UNC13B: variants seen among roughly 807,000 people sequenced by gnomAD.
UNC13B encodes protein unc-13 homolog B.
UNC13B carries 144 observed loss-of-function variants against 211.0 expected under a neutral mutation model. The observed-to-expected ratio is 0.68, with a 90% CI of 0.60 to 0.78. The LOEUF (loss-of-function observed/expected upper bound fraction) is 0.78, where lower values mean the gene tolerates loss of function less well. UNC13B is among the 30% of genes least tolerant of loss of function. The pLI is 0.00. For synonymous variants in UNC13B, 709 were observed against 725.8 expected (o/e 0.98, Z 0.37); for missense variants, 1,777 against 2,002.0 (o/e 0.89, Z 2.14).
intron 5 of UNC13B, among the ~76,000 whole-genome samples, chr9:35,239,219 G>C (rs180680222): frequency 6.6e-6 from 1 of 151,982 alleles, no homozygotes; most frequent in Non-Finnish European, 1.5e-5. Context: ...GATATTTCAC[G>C]TGGGTCCTTT....
intron 8 of UNC13B, among the ~76,000 whole-genome samples, chr9:35,297,545 G>GTTTTTTTTTTTTT (rs1344936605): frequency 9.3e-6 from 1 of 107,144 alleles, no homozygotes; most frequent in African/African-American, 4.0e-5. Context: ...CACATACTTT[G>GTTTTTTTTTTTTT]TCTTTTTTTT....
chr9:35,168,173 C>A (rs1452721884), intron 1 of UNC13B, among the ~76,000 whole-genome samples: 7 of 152,150 alleles, frequency 4.6e-5, no homozygotes, highest in Non-Finnish European at 8.8e-5. Context: ...CCACCTTGGC[C>A]TCCCAAAATG....
At chr9:35,394,797 A>G (rs1209691735) in intron 26 of UNC13B, among the ~76,000 whole-genome samples, 1 of 152,200 alleles carries the variant, frequency 6.6e-6, no homozygotes, top group Non-Finnish European at 1.5e-5. Flanking sequence ...TTACTGGAGC[A>G]TGACTCCATG....
At chr9:35,240,187 T>G (rs554925416) in intron 5 of UNC13B, among the ~76,000 whole-genome samples, 117 of 152,362 alleles carry the variant, frequency 7.7e-4, no homozygotes, top group Non-Finnish European at 7.5e-4. Flanking sequence ...TCACAATTTA[T>G]GTTCTTCTGC....
At chr9:35,289,770 A>G (rs555679598) in intron 7 of UNC13B, among the ~76,000 whole-genome samples, 29 of 152,084 alleles carry the variant, frequency 1.9e-4, no homozygotes, top group South Asian at 4.2e-4. Flanking sequence ...GGAGGTTAGG[A>G]GTTCGAGGCC....
chr9:35,200,160 G>T (rs1823195587), intron 1 of UNC13B, among the ~76,000 whole-genome samples: 1 of 152,050 alleles, frequency 6.6e-6, no homozygotes, highest in Non-Finnish European at 1.5e-5. Flanking sequence ...TAGATGTGTG[G>T]TATTATTTCT....
chr9:35,226,347 T>G (rs1824839377), intron 1 of UNC13B, among the ~76,000 whole-genome samples: 1 of 152,136 alleles, frequency 6.6e-6, no homozygotes, highest in African/African-American at 2.4e-5. Flanking sequence ...GGGACAGAAC[T>G]GATAGGGTGT....
At chr9:35,212,827 G>A (rs1824044025) in intron 1 of UNC13B, among the ~76,000 whole-genome samples, 1 of 152,208 alleles carries the variant, frequency 6.6e-6, no homozygotes, top group Admixed American at 6.5e-5. Context: ...GAGAGTTGGT[G>A]GAGGAGCAGT....
chr9:35,301,699 T>G lies in UNC13B; in HGVS notation c.2295T>G (p.Asp765Glu). The change falls in exon 9 of 40, where the codon GAT becomes GAG. Residue 765 changes from aspartate to glutamate, a missense_variant. Transcript: ENST00000635942. ...GTATAGATCTGTCTCTTTTACCAGA[T>G]CAACAAAAAATATGTGCCAAAGATA... ...KLCIDLSLLPDQQKICAKDTP... is the reference protein window; with the variant it reads ...KLCIDLSLLPEQQKICAKDTP... The G allele has an allele frequency of 2.5e-6, 1 of 398,806 alleles. No homozygotes were observed. Among genetic ancestry groups the G allele is most frequent in the Non-Finnish European group, 4.4e-6 (1 of 225,908 alleles). The allele number at this position is 398,806 out of a possible 1,614,324, so 24.7% of individuals were successfully genotyped here. A position where few individuals can be genotyped will look rare whatever the true frequency, so the allele number is the denominator to read the frequency against.
At chr9:35,364,538 C>T (rs757668423) in intron 11 of UNC13B, 18 of 1,535,938 alleles carry the variant, frequency 1.2e-5, no homozygotes, top group Non-Finnish European at 1.5e-5. Context: ...TCTTTCTCTC[C>T]TTGCAGAAGA....
intron 7 of UNC13B, 124 bp from the exon 8 acceptor site, chr9:35,295,572 A>G (rs1463319427): frequency 7.3e-6 from 6 of 821,614 alleles, no homozygotes; most frequent in African/African-American, 3.4e-5. Context: ...CACTGGGCTC[A>G]TGTGAAGCTC....
chr9:35,357,031 T>A (rs1232232958), intron 11 of UNC13B, among the ~76,000 whole-genome samples: 1 of 152,218 alleles, frequency 6.6e-6, no homozygotes, highest in Non-Finnish European at 1.5e-5. Context: ...TTATGAATAA[T>A]GCTGCTATGA....
intron 7 of UNC13B, among the ~76,000 whole-genome samples, chr9:35,280,821 A>G (rs913424777): frequency 3.9e-5 from 6 of 152,200 alleles, no homozygotes; most frequent in South Asian, 4.1e-4. Context: ...AACTTATTAT[A>G]ATTTATGTTC....
At position 35,228,064 on chromosome 9, in the gene UNC13B, A is replaced by G. The variant is rs769223111; in HGVS notation, c.52+20A>G. 1.2e-6 allele frequency: 2 copies of G among 1,606,396 alleles called. No homozygotes were observed. Among genetic ancestry groups the G allele is most frequent in the South Asian group, 2.2e-5 (2 of 89,072 alleles). On this transcript the variant is annotated intron_variant, in intron 2 of 39. Transcript: ENST00000635942. Reference sequence around the variant, plus strand: ...CACCAGGTAAGGCCAGCTTTCTATTATGTCTTTTCCTCTTGTATTTGCTGT... The same window carrying G: ...CACCAGGTAAGGCCAGCTTTCTATTGTGTCTTTTCCTCTTGTATTTGCTGT...
intron 37 of UNC13B, chr9:35,401,912 G>T (rs746736114): frequency 2.6e-5 from 40 of 1,536,118 alleles, no homozygotes; most frequent in Non-Finnish European, 3.3e-5. Context: ...TCTCTGTTCT[G>T]CTGCTGCTAC....
At chr9:35,384,855 A>C in intron 22 of UNC13B, 1 of 703,736 alleles carries the variant, frequency 1.4e-6, no homozygotes, top group Non-Finnish European at 1.7e-6. Context: ...GCAGTTTCTT[A>C]GTTCCTCCTA....
chr9:35,196,338 AG>A (rs1168296355), intron 1 of UNC13B, among the ~76,000 whole-genome samples: 1 of 152,230 alleles, frequency 6.6e-6, no homozygotes, highest in African/African-American at 2.4e-5. Context: ...GGCTAGAACA[AG>A]GCAAGTTAGC....
intron 1 of UNC13B, among the ~76,000 whole-genome samples, chr9:35,209,421 A>C (rs1250861753): frequency 6.6e-6 from 1 of 151,892 alleles, no homozygotes; most frequent in East Asian, 1.9e-4. Flanking sequence ...TCTGTCACCC[A>C]GGCTGAAGTG....
At chr9:35,281,391 G>T (rs1828480925) in intron 7 of UNC13B, among the ~76,000 whole-genome samples, 1 of 150,226 alleles carries the variant, frequency 6.7e-6, no homozygotes, top group Non-Finnish European at 1.5e-5. Context: ...ACTCGAGCCT[G>T]GGAGTGAGAG....
Sources: allele counts gnomAD v4.1 joint callset (sites outside exome capture counted in the v4.1 genomes callset), GRCh38; gene constraint gnomAD v4.1.1; transcripts MANE v1.5; gene names NCBI Gene and HGNC (gene_info 2026-07-23, HGNC 2026-07-21).